The following INO80 variants were observed in gnomAD, a reference collection of about 807,000 sequenced individuals.
INO80 encodes the protein chromatin-remodeling ATPase INO80.
A neutral mutation model predicts 203.4 loss-of-function variants in INO80; 20 were observed. That is an observed-to-expected ratio of 0.10 (90% confidence interval 0.07 to 0.14). The LOEUF (loss-of-function observed/expected upper bound fraction) is 0.14, where lower values mean the gene tolerates loss of function less well. Ranked by LOEUF, INO80 falls within the 10% of genes least tolerant of loss-of-function variation. The probability of loss-of-function intolerance (pLI) is 1.00; values close to 1 mark genes in which losing one functional copy is unlikely to be tolerated. For missense variants in INO80, 1,419 were observed against 1,914.4 expected (o/e 0.74, Z 4.83); for synonymous variants, 726 against 685.2 (o/e 1.06, Z -0.93).
intron 25 of INO80, chr15:41,023,385 TA>T (rs1410904283): frequency 9.2e-5 from 29 of 314,764 alleles, no homozygotes; most frequent in Middle Eastern, 3.6e-4. Context: ...ATAAAAAGTT[TA>T]AAAAGTAAGT....
intron 14 of INO80, among the ~76,000 whole-genome samples, chr15:41,066,845 G>GAAAAAAAAAAAAA (rs2045227917): frequency 1.9e-5 from 1 of 51,648 alleles, no homozygotes. Context: ...AAAAAAAAAA[G>GAAAAAAAAAAAAA]CAAAAAAAAA....
chr15:41,094,400 C>T (rs1288607087), intron 4 of INO80, among the ~76,000 whole-genome samples: 1 of 152,128 alleles, frequency 6.6e-6, no homozygotes, highest in Non-Finnish European at 1.5e-5. Context: ...TGCCGTTACC[C>T]TGGATATAAG....
In INO80 at chr15:41,027,622, A is replaced by G. The variant is rs747246269; in HGVS notation, c.3022T>C (p.Ser1008Pro). 6.2e-7 allele frequency: 1 copy of G among 1,613,428 alleles called. No individual in the cohort carries two copies. The highest frequency in any genetic ancestry group is 1.6e-4 in the Middle Eastern group (1 of 6,062). ...CGTGGACTGGCCACACACAAAAAAG[A>G]TGGCAGCTCAGTGAGCAGGCAGCGA... ...LRRCLLTELPSFLCVASPRVT... is the reference protein window; with the variant it reads ...LRRCLLTELPPFLCVASPRVT... The change falls in exon 25 of 36, where the codon TCT becomes CCT. Residue 1008 changes from serine to proline, a missense_variant. By Grantham distance (74) the Ser-to-Pro change is moderately conservative. Transcript: ENST00000648947.
At chr15:41,095,479 C>G in intron 4 of INO80, 122 bp downstream of exon 4, 2 of 697,148 alleles carry the variant, frequency 2.9e-6, no homozygotes, top group Non-Finnish European at 5.0e-6. Flanking sequence ...AAACCACATC[C>G]AGTATAAGAG....
At chr15:41,108,039 G>A (rs1233322056) in intron 1 of INO80, among the ~76,000 whole-genome samples, 2 of 151,978 alleles carry the variant, frequency 1.3e-5, no homozygotes, top group Non-Finnish European at 2.9e-5. Flanking sequence ...GGCAGAGGTT[G>A]TGGTGGGCCG....
chr15:41,095,981 T>G (rs2045717735), intron 2 of INO80, 53 bp from the exon 3 acceptor site: 1 of 1,546,110 alleles, frequency 6.5e-7, no homozygotes, highest in Non-Finnish European at 8.8e-7. Flanking sequence ...AAAATATAAT[T>G]TAAAGTTAGA....
Position 41,007,296 on chromosome 15 carries a change from C to A in INO80, c.3403-1609G>T, listed in dbSNP as rs538378320. Among the ~76,000 whole-genome samples, 86 of 151,446 alleles carry A rather than the reference C, an allele frequency of 5.7e-4. 1 individual carries two copies. Among genetic ancestry groups the A allele is most frequent in the African/African-American group, 2.0e-3 (84 of 41,208 alleles). ...CTCCCAGGTTCAAGCGATTCTCCTGCCTCAGCCTCCCTAGCAGCTGGGATT... is the reference window on the plus strand; with the variant it reads ...CTCCCAGGTTCAAGCGATTCTCCTGACTCAGCCTCCCTAGCAGCTGGGATT... On this transcript the variant is annotated intron_variant, in intron 27 of 35. Transcript: ENST00000648947.
intron 14 of INO80, among the ~76,000 whole-genome samples, chr15:41,067,352 G>A (rs770274013): frequency 3.3e-5 from 5 of 151,948 alleles, no homozygotes; most frequent in Non-Finnish European, 4.4e-5. Context: ...GAGATTACAG[G>A]CATGAGCCAC....
chr15:41,071,382 C>T (rs1203714336), intron 12 of INO80, among the ~76,000 whole-genome samples: 1 of 151,510 alleles, frequency 6.6e-6, no homozygotes, highest in Non-Finnish European at 1.5e-5. Context: ...TCTCCTACTG[C>T]TATCCCTCCC....
At chr15:40,994,348 T>C (rs996519211) in intron 29 of INO80, among the ~76,000 whole-genome samples, 4 of 152,128 alleles carry the variant, frequency 2.6e-5, no homozygotes, top group Admixed American at 2.6e-4. Context: ...TTTTTCTTCA[T>C]AGCATTCATA....
chr15:41,079,217 T>C (rs2045447955), intron 9 of INO80, among the ~76,000 whole-genome samples: 1 of 152,140 alleles, frequency 6.6e-6, no homozygotes, highest in Non-Finnish European at 1.5e-5. Context: ...ACTGTCCCTA[T>C]CTGGCCCTGA....
chr15:41,112,293 A>C (rs532710041), intron 1 of INO80, among the ~76,000 whole-genome samples: 2 of 152,276 alleles, frequency 1.3e-5, no homozygotes, highest in Non-Finnish European at 2.9e-5. Context: ...ATATGATTTA[A>C]CTTGGTTTCA....
chr15:41,088,087 CTTTTTTTTTTT>C (rs943111352), intron 5 of INO80, among the ~76,000 whole-genome samples: 1 of 101,082 alleles, frequency 9.9e-6, no homozygotes, highest in South Asian at 3.2e-4. Context: ...GCTTGCTTTT[CTTTTTTTTTTT>C]TTTTTTTTTT....
chr15:41,115,672 G>A (rs1220865158), intron 1 of INO80, among the ~76,000 whole-genome samples: 2 of 151,936 alleles, frequency 1.3e-5, no homozygotes, highest in African/African-American at 4.8e-5. Context: ...CGGGTCCCAC[G>A]TGCACCTGGT....
intron 7 of INO80, among the ~76,000 whole-genome samples, chr15:41,084,800 T>C (rs2045535604): frequency 6.6e-6 from 1 of 152,212 alleles, no homozygotes; most frequent in East Asian, 1.9e-4. Context: ...AGTGCAGTGG[T>C]GCGATCTCAG....
At chr15:41,017,135 A>G (rs776309185) in intron 26 of INO80, 1 of 152,204 alleles carries the variant, frequency 6.6e-6, no homozygotes, top group East Asian at 1.9e-4. Flanking sequence ...TCTGCAGTGA[A>G]GCTCCTCTCA....
At chr15:41,058,337 C>T (rs1464036696) in intron 16 of INO80, among the ~76,000 whole-genome samples, 1 of 152,088 alleles carries the variant, frequency 6.6e-6, no homozygotes, top group Non-Finnish European at 1.5e-5. Context: ...AGGTACACGA[C>T]TGATGCAGAG....
chr15:41,032,999 T>C (rs1029242615), intron 24 of INO80, among the ~76,000 whole-genome samples: 3 of 151,862 alleles, frequency 2.0e-5, no homozygotes, highest in South Asian at 2.1e-4. Context: ...GACCACACCA[T>C]TGCACTCCAG....
intron 24 of INO80, among the ~76,000 whole-genome samples, chr15:41,032,960 C>T (rs905686426): frequency 6.6e-6 from 1 of 152,126 alleles, no homozygotes; most frequent in African/African-American, 2.4e-5. Flanking sequence ...ATCACTTGAA[C>T]CCGGGAGGCG....
Sources: gnomAD v4.1 joint callset for allele counts (sites outside exome capture counted in the v4.1 genomes callset) on GRCh38, gnomAD v4.1.1 for gene constraint, MANE v1.5 for transcripts, NCBI Gene and HGNC (gene_info 2026-07-23, HGNC 2026-07-21) for gene names.